PCDHGC5: variants seen among roughly 807,000 people sequenced by gnomAD.
PCDHGC5 encodes protocadherin gamma-C5.
A neutral mutation model predicts 59.0 loss-of-function variants in PCDHGC5; 25 were observed. That is an observed-to-expected ratio of 0.42 (90% CI 0.31 to 0.59). The LOEUF is 0.59. PCDHGC5 is among the 20% of genes least tolerant of loss of function. The pLI, the probability that PCDHGC5 is intolerant of heterozygous loss-of-function variation, is 0.13. For missense variants in PCDHGC5, 1,067 were observed against 1,206.4 expected (o/e 0.88, Z 1.71); for synonymous variants, 434 against 505.5 (o/e 0.86, Z 1.90).
intron 3 of PCDHGC5, among the ~76,000 whole-genome samples, chr5:141,508,738 A>C (rs1596171196): frequency 7.1e-5 from 10 of 141,304 alleles, no homozygotes; most frequent in Admixed American, 1.4e-4. Context: ...TACACCCCCC[A>C]CCCCGCTCTT....
At chr5:141,502,291 G>A (rs1346186675) in intron 2 of PCDHGC5, among the ~76,000 whole-genome samples, 1 of 151,370 alleles carries the variant, frequency 6.6e-6, no homozygotes, top group African/African-American at 2.5e-5. Context: ...GCATTTGGTT[G>A]TCACGTCTTT....
chr5:141,498,930 C>T (rs2099786911), intron 2 of PCDHGC5, among the ~76,000 whole-genome samples: 1 of 121,364 alleles, frequency 8.2e-6, no homozygotes, highest in Non-Finnish European at 1.6e-5. Flanking sequence ...GAGACTCCAT[C>T]AGGAAAGAAA....
rs757924501 is a variant in PCDHGC5, at chr5:141,490,548, A to G, written c.1308A>G (p.Lys436=). 1.2e-6 allele frequency: 2 copies of G among 1,614,084 alleles called. No individual in the cohort carries two copies. Among genetic ancestry groups the G allele is most frequent in the South Asian group, 2.2e-5 (2 of 91,080 alleles). ...ATGCTGGTTCACCTTCCCTACACAA[A>G]CATCTCACCATCAGGCTCAACATTT... ...ASDAGSPSLH[K]HLTIRLNISD... Residue 436 remains lysine (K), a synonymous_variant, in exon 1 of 4, where the codon AAA becomes AAG. Transcript: ENST00000252087. This position sits in a 1 kb window ranked among gnomAD's most constrained non-coding sequence, Gnocchi z 5.4.
intron 3 of PCDHGC5, among the ~76,000 whole-genome samples, chr5:141,510,533 C>A (rs1366903068): frequency 6.6e-6 from 1 of 152,118 alleles, no homozygotes; most frequent in Non-Finnish European, 1.5e-5. Flanking sequence ...GAGAGAAATA[C>A]CAGCGAATGT....
chr5:141,489,085 G>A lies in PCDHGC5; in HGVS notation c.-156G>A, dbSNP rs1347512723. The A allele has an allele frequency of 2.6e-5, 6 of 230,066 alleles. No homozygotes were observed. The South Asian group carries it at 4.3e-4, about 16-fold the overall frequency. 14.3% of individuals were successfully genotyped at this position (230,066 alleles called of 1,614,324 possible). A position where few individuals can be genotyped will look rare whatever the true frequency, so the allele number is the denominator to read the frequency against. Reference sequence around the variant, plus strand: ...TCCCCCCTGCCCACCCCCGCCACTCGGTGACTAAGAACTGCTGCAAGCAGG... The same window carrying A: ...TCCCCCCTGCCCACCCCCGCCACTCAGTGACTAAGAACTGCTGCAAGCAGG... On this transcript the variant is annotated 5_prime_UTR_variant, in exon 1 of 4. Coordinates refer to ENST00000252087, the MANE Select transcript of PCDHGC5 (RefSeq NM_018929.3). The surrounding 1 kb of genome is among the most constrained non-coding windows in gnomAD (Gnocchi z 4.5).
Position 141,491,529 on chromosome 5 carries a change from G to T in PCDHGC5, c.2289G>T (p.Thr763=), listed in dbSNP as rs1157770121. ...GCACGCTCAAGTACATGGAGGTGAC[G>T]CTGCGGCCCACAGACTCGCAGAGCC... ...SDGTLKYMEV[T]LRPTDSQSHC... The change falls in exon 1 of 4, where the codon ACG becomes ACT. Residue 763 remains threonine (T), a synonymous_variant. Transcript: ENST00000252087. This position sits in a 1 kb window ranked among gnomAD's most constrained non-coding sequence, Gnocchi z 6.9. The T allele has an allele frequency of 6.2e-7, 1 of 1,614,040 alleles. No individual in the cohort carries two copies. The highest frequency in any genetic ancestry group is 1.1e-5 in the South Asian group (1 of 91,080).
chr5:141,498,146 G>A (rs924380243), intron 2 of PCDHGC5, among the ~76,000 whole-genome samples: 1 of 152,200 alleles, frequency 6.6e-6, no homozygotes, highest in Non-Finnish European at 1.5e-5. Context: ...GGACATCCTG[G>A]AAATGAAGTT....
chr5:141,489,112 A>C lies in PCDHGC5; in HGVS notation c.-129A>C. 3 of 412,420 alleles carry C rather than the reference A, an allele frequency of 7.3e-6. No individual in the cohort carries two copies. Among genetic ancestry groups the C allele is most frequent in the South Asian group, 4.2e-5 (1 of 23,838 alleles). The allele number at this position is 412,420 out of a possible 1,614,324, so 25.5% of individuals were successfully genotyped here. ...TGACTAAGAACTGCTGCAAGCAGGC[A>C]AACCTCCGAGCAGTTTTTAAGAGGC... is the stretch of plus-strand genomic sequence containing the variant. On this transcript the variant is annotated 5_prime_UTR_variant, in exon 1 of 4. Coordinates refer to ENST00000252087, the MANE Select transcript of PCDHGC5 (RefSeq NM_018929.3). The surrounding 1 kb of genome is among the most constrained non-coding windows in gnomAD (Gnocchi z 4.5).
chr5:141,492,106 C>T (rs1265796740), intron 1 of PCDHGC5, among the ~76,000 whole-genome samples: 2 of 152,238 alleles, frequency 1.3e-5, no homozygotes, highest in South Asian at 2.1e-4. Flanking sequence ...TGTAGATTTC[C>T]TCTTCGATTT....
At position 141,491,201 on chromosome 5, in the gene PCDHGC5, C is replaced by T. The variant is rs752813291; in HGVS notation, c.1961C>T (p.Pro654Leu). The T allele has an allele frequency of 3.7e-6, 6 of 1,614,226 alleles. No homozygotes were observed. The Admixed American group carries it at 5.0e-5, about 13-fold the overall frequency. The change falls in exon 1 of 4, where the codon CCT becomes CTT. Residue 654 changes from proline (P) to leucine (L), a missense_variant. Pro to Leu is a moderately conservative substitution (Grantham distance 98). Transcript: ENST00000252087. This position sits in a 1 kb window ranked among gnomAD's most constrained non-coding sequence, Gnocchi z 6.9. ...VVVLVRDNGDPSLSSTATVLL... is the reference protein window; with the variant it reads ...VVVLVRDNGDLSLSSTATVLL... ...GTCCTGGTGAGGGACAATGGTGACCCTTCACTCTCCTCCACAGCCACAGTG... is the reference window on the plus strand; with the variant it reads ...GTCCTGGTGAGGGACAATGGTGACCTTTCACTCTCCTCCACAGCCACAGTG...
chr5:141,489,867 G>C lies in PCDHGC5; in HGVS notation c.627G>C (p.Gln209His). ...QLDREAQARH[Q>H]LVLTAVDGGT... is the part of the protein sequence containing the mutation. ...ATCGTGAAGCCCAGGCAAGACATCA[G>C]CTGGTGCTTACTGCTGTGGATGGGG... Residue 209 changes from glutamine (Q) to histidine (H), a missense_variant, in exon 1 of 4, where the codon CAG becomes CAC. Gln to His is a conservative substitution (Grantham distance 24). Transcript: ENST00000252087. This position sits in a 1 kb window ranked among gnomAD's most constrained non-coding sequence, Gnocchi z 4.5. 1 of 1,614,240 alleles carries C rather than the reference G, an allele frequency of 6.2e-7. No individual in the cohort carries two copies. Among genetic ancestry groups the C allele is most frequent in the Non-Finnish European group, 8.5e-7 (1 of 1,180,034 alleles).
chr5:141,512,702 C>T lies in PCDHGC5; in HGVS notation c.*1529C>T, dbSNP rs940927635. 2.0e-5 allele frequency: 3 copies of T among 152,828 alleles called. No homozygotes were observed. Among genetic ancestry groups the T allele is most frequent in the Non-Finnish European group, 2.9e-5 (2 of 68,560 alleles). The allele number at this position is 152,828 out of a possible 1,614,324, so 9.5% of individuals were successfully genotyped here. ...ATAGCCAGTAGTGTAGTGCGGTGTG[C>T]TTTTACGTGATGGCGGGTGGGCAGC... On this transcript the variant is annotated 3_prime_UTR_variant, in exon 4 of 4. Transcript: ENST00000252087.
intron 3 of PCDHGC5, among the ~76,000 whole-genome samples, chr5:141,508,616 G>T (rs1007206932): frequency 6.6e-6 from 1 of 152,114 alleles, no homozygotes; most frequent in African/African-American, 2.4e-5. Flanking sequence ...ATAGGACGTG[G>T]GTGGGCCGAG....
At position 141,497,121 on chromosome 5, in the gene PCDHGC5, G is replaced by T. The variant is rs185298630; in HGVS notation, c.2519+2256G>T. Among the ~76,000 whole-genome samples, 563 of 152,212 alleles carry T rather than the reference G, an allele frequency of 3.7e-3. 5 individuals are homozygous for T. The highest frequency in any genetic ancestry group is 0.011 in the Admixed American group (164 of 15,296). On this transcript the variant is annotated intron_variant, in intron 2 of 3. Coordinates refer to ENST00000252087, the MANE Select transcript of PCDHGC5 (RefSeq NM_018929.3). Reference sequence around the variant, plus strand: ...GAACTGCTTGAACCCGGAAGGCAGAGGTTGCAGTGAGCTGAGATCACGAAA... The same window carrying T: ...GAACTGCTTGAACCCGGAAGGCAGATGTTGCAGTGAGCTGAGATCACGAAA...
chr5:141,500,986 A>G (rs1223940696), intron 2 of PCDHGC5, among the ~76,000 whole-genome samples: 1 of 151,656 alleles, frequency 6.6e-6, no homozygotes, highest in East Asian at 1.9e-4. Flanking sequence ...CTCCTGCCTC[A>G]GCCTCCTGAG....
chr5:141,490,405 ATC>A lies in PCDHGC5; in HGVS notation c.1170_1171del (p.Pro391GlyfsTer7), dbSNP rs765446736. 1 of 1,614,142 alleles carries A rather than the reference ATC, an allele frequency of 6.2e-7. No individual in the cohort carries two copies. The highest frequency in any genetic ancestry group is 8.5e-7 in the Non-Finnish European group (1 of 1,180,028). The part of the protein sequence containing the change: ...SGRNGEVSLD[I>X]SPDLPFQIKP... ...TAGAAATGGTGAAGTGAGCCTTGATATCTCTCCGGACCTGCCATTTCAGATTA... is the reference window on the plus strand; with the variant it reads ...TAGAAATGGTGAAGTGAGCCTTGATATCTCCGGACCTGCCATTTCAGATTA... On this transcript the variant is annotated frameshift_variant, in exon 1 of 4. Transcript: ENST00000252087. LOFTEE classifies it high-confidence loss of function. The surrounding 1 kb of genome is among the most constrained non-coding windows in gnomAD (Gnocchi z 5.4).
intron 3 of PCDHGC5, 149 bp downstream of exon 3, chr5:141,505,630 A>T: frequency 6.8e-7 from 1 of 1,480,262 alleles, no homozygotes; most frequent in East Asian, 2.4e-5. Flanking sequence ...AATTCCAAAC[A>T]TAAAGCCTGG....
Position 141,491,574 on chromosome 5 carries a change from T to G in PCDHGC5, c.2334T>G (p.Phe778Leu). ...DSQSHCYRTCFSPASDGSDFT... is the reference protein window; with the variant it reads ...DSQSHCYRTCLSPASDGSDFT... Reference sequence around the variant, plus strand: ...AGAGCCACTGCTACAGGACGTGCTTTTCACCGGCCTCGGACGGCAGTGACT... The same window carrying G: ...AGAGCCACTGCTACAGGACGTGCTTGTCACCGGCCTCGGACGGCAGTGACT... The change falls in exon 1 of 4, where the codon TTT (phenylalanine) becomes TTG (leucine). Residue 778 changes from phenylalanine (F) to leucine (L), a missense_variant. By Grantham distance (22) the Phe-to-Leu change is conservative (BLOSUM62 0). Transcript: ENST00000252087. This position sits in a 1 kb window ranked among gnomAD's most constrained non-coding sequence, Gnocchi z 6.9. The G allele has an allele frequency of 6.2e-7, 1 of 1,613,956 alleles. No homozygotes were observed. Among genetic ancestry groups the G allele is most frequent in the Non-Finnish European group, 8.5e-7 (1 of 1,180,032 alleles).
Position 141,491,797 on chromosome 5 carries a change from G to C in PCDHGC5, c.2460+97G>C, listed in dbSNP as rs537755017. The C allele has an allele frequency of 7.9e-5, 119 of 1,506,700 alleles. No homozygotes were observed. In the Admixed American group the frequency reaches 1.4e-3, roughly 18 times the overall value. 93.3% of individuals were successfully genotyped at this position (1,506,700 alleles called of 1,614,324 possible). On this transcript the variant is annotated intron_variant, in intron 1 of 3. Coordinates refer to ENST00000252087, the MANE Select transcript of PCDHGC5 (RefSeq NM_018929.3). The surrounding 1 kb of genome is among the most constrained non-coding windows in gnomAD (Gnocchi z 6.9). The stretch of plus-strand genomic sequence containing the variant: ...ATTGAACTTGCATCCACTCCTCTCC[G>C]GCCGGCTTGGTCGCTGGCTGCGCTC...
Sources: gnomAD v4.1 joint callset for allele counts (sites outside exome capture counted in the v4.1 genomes callset) on GRCh38, gnomAD v4.1.1 for gene constraint, Gnocchi (gnomAD v3.1) non-coding constraint, MANE v1.5 for transcripts, NCBI Gene and HGNC (gene_info 2026-07-23, HGNC 2026-07-21) for gene names.